The following DNPH1 variants were observed in gnomAD, a reference collection of about 807,000 sequenced individuals.
DNPH1 encodes the protein 5-hydroxymethyl-dUMP N-hydrolase.
Under a neutral mutation model 15.7 loss-of-function variants are expected in DNPH1, and 18 were observed. The observed-to-expected ratio is 1.15, with a 90% confidence interval of 0.79 to 1.70. The LOEUF is 1.70. DNPH1 is among the 40% of genes most tolerant of loss of function. The pLI is 0.00. For missense variants in DNPH1, 262 were observed against 255.2 expected, an observed-to-expected ratio of 1.03 and a Z score of -0.18; for synonymous variants, 114 against 107.9, an observed-to-expected ratio of 1.06 and a Z score of -0.35.
chr6:43,227,279 G>A (rs1776756995), intron 1 of DNPH1, among the ~76,000 whole-genome samples: 1 of 152,058 alleles, frequency 6.6e-6, no homozygotes, highest in Non-Finnish European at 1.5e-5. Flanking sequence ...GCCAGGCGTG[G>A]TAGCAGGCGC....
intron 1 of DNPH1, 98 bp downstream of exon 1, chr6:43,229,163 G>T (rs2150670173): frequency 1.7e-6 from 2 of 1,198,260 alleles, no homozygotes; most frequent in Non-Finnish European, 2.2e-6. Flanking sequence ...CGCCGGGAGC[G>T]CAGCTGCCGG....
chr6:43,226,237 G>C lies in DNPH1; in HGVS notation c.265+90C>G. The C allele has an allele frequency of 6.2e-7, 1 of 1,600,254 alleles. No individual in the cohort carries two copies. Among genetic ancestry groups the C allele is most frequent in the African/African-American group, 1.3e-5 (1 of 74,808 alleles). On this transcript the variant is annotated intron_variant, in intron 2 of 3. Transcript: ENST00000230431. The surrounding 1 kb of genome is among the most constrained non-coding windows in gnomAD (Gnocchi z 4.1). ...TGGCTGTGGTGAGGAGGGAACTCTG[G>C]GAGTCCCTTCTAGGTGTGGAGGCTG...
At chr6:43,227,052 A>G (rs1400550408) in intron 1 of DNPH1, among the ~76,000 whole-genome samples, 1 of 151,996 alleles carries the variant, frequency 6.6e-6, no homozygotes, top group Non-Finnish European at 1.5e-5. Flanking sequence ...AGTTGCAGTG[A>G]GCTGAGATCG....
chr6:43,225,994 G>A, intron 3 of DNPH1, 39 bp downstream of exon 3: 1 of 1,613,462 alleles, frequency 6.2e-7, no homozygotes, highest in South Asian at 1.1e-5. Context: ...CTGAGGGCTG[G>A]GTCCATAGAA....
rs1035409317 is a variant in DNPH1 at position 43,229,436 on chromosome 6, C to G, written c.21G>C (p.Pro7=). The change falls in exon 1 of 4, where the codon CCG becomes CCC. Residue 7 remains proline (P), a synonymous_variant. Coordinates refer to ENST00000230431, the MANE Select transcript of DNPH1 (RefSeq NM_006443.3). The part of the protein sequence containing the change: MAAAMV[P]GRSESWERGE... Reference sequence around the variant, plus strand: ...CGCGCTCCCAGCTCTCGCTGCGCCCCGGCACCATGGCAGCAGCCATTCCCC... The same window carrying G: ...CGCGCTCCCAGCTCTCGCTGCGCCCGGGCACCATGGCAGCAGCCATTCCCC... The G allele has an allele frequency of 6.5e-6, 9 of 1,374,282 alleles. No homozygotes were observed. The highest frequency in any genetic ancestry group is 3.1e-5 in the East Asian group (1 of 32,504). The allele number at this position is 1,374,282 out of a possible 1,614,324, so 85.1% of individuals were successfully genotyped here. A position where few individuals can be genotyped will look rare whatever the true frequency, so the allele number is the denominator to read the frequency against.
rs978177324 is a variant in DNPH1, at chr6:43,229,307, C to T, written c.150G>A (p.Gly50=). ...CCGCCACGTGCTCGGTGAGCACTGT[C>T]CCGAATCGCCGCAGCCGAGACACGA... ...ERIVSRLRRF[G]TVLTEHVAAA... Residue 50 remains glycine (G), a synonymous_variant, in exon 1 of 4, where the codon GGG becomes GGA. Transcript: ENST00000230431. 6.7e-7 allele frequency: 1 copy of T among 1,482,490 alleles called. No individual in the cohort carries two copies. The highest frequency in any genetic ancestry group is 8.9e-7 in the Non-Finnish European group (1 of 1,119,652). 91.8% of individuals were successfully genotyped at this position (1,482,490 alleles called of 1,614,324 possible).
At chr6:43,227,729 G>A (rs905456272) in intron 1 of DNPH1, among the ~76,000 whole-genome samples, 1 of 151,934 alleles carries the variant, frequency 6.6e-6, no homozygotes, top group East Asian at 1.9e-4. Flanking sequence ...AGAAGCACAA[G>A]CATTCAAGAT....
intron 1 of DNPH1, 172 bp downstream of exon 1, chr6:43,229,089 G>A (rs1295830928): frequency 1.5e-6 from 1 of 657,204 alleles, no homozygotes; most frequent in East Asian, 6.3e-5. Flanking sequence ...CCCGAGCCCC[G>A]GCCCGTTTCC....
rs138682834 is a variant in DNPH1 at position 43,226,049 on chromosome 6, G to A, written c.360C>T (p.Arg120=). 706 of 1,613,848 alleles carry A rather than the reference G, an allele frequency of 4.4e-4. 13 individuals are homozygous for A. In the East Asian group the frequency reaches 0.016, roughly 35 times the overall value. The change falls in exon 3 of 4, where the codon CGC becomes CGT. Residue 120 remains arginine, a synonymous_variant. Transcript: ENST00000230431. The surrounding 1 kb of genome is among the most constrained non-coding windows in gnomAD (Gnocchi z 4.1). ...AFNKRILCLF[R]PQSGRVLSAM... ...GGTGCTCACCGCGGCCAGACTGCGG[G>A]CGGAACAGGCACAGGATCCGCTTGT...
rs753055242 is a variant in DNPH1 at position 43,225,802 on chromosome 6, G to A, written c.456C>T (p.Ala152=). The A allele has an allele frequency of 5.0e-6, 8 of 1,614,024 alleles. No individual in the cohort carries two copies. Among genetic ancestry groups the A allele is most frequent in the Non-Finnish European group, 6.8e-6 (8 of 1,180,030 alleles). ...CAGCCTCGAAGTATCGATCCAGCAG[G>A]GCCTCCACCTCTCCCTCCTCATAGT... ...VWDYEEGEVE[A]LLDRYFEADP... The change falls in exon 4 of 4, where the codon GCC becomes GCT. Residue 152 remains alanine (A), a synonymous_variant. Coordinates refer to ENST00000230431, the MANE Select transcript of DNPH1 (RefSeq NM_006443.3).
At position 43,226,646 on chromosome 6, in the gene DNPH1, G is replaced by T; in HGVS notation, c.197-251C>A. ...AACATCAGCAGCACTAACTGTGGAT[G>T]ACATTGATTAGGGAAAGGTGCATGG... On this transcript the variant is annotated intron_variant, in intron 1 of 3. Transcript: ENST00000230431. The surrounding 1 kb of genome is among the most constrained non-coding windows in gnomAD (Gnocchi z 4.1). The T allele has an allele frequency of 1.9e-6, 1 of 521,796 alleles. No homozygotes were observed. The highest frequency in any genetic ancestry group is 3.4e-6 in the Non-Finnish European group (1 of 295,576). The allele number at this position is 521,796 out of a possible 1,614,324, so 32.3% of individuals were successfully genotyped here. A position where few individuals can be genotyped will look rare whatever the true frequency, so the allele number is the denominator to read the frequency against.
chr6:43,228,324 G>C (rs1459445077), intron 1 of DNPH1, among the ~76,000 whole-genome samples: 1 of 151,890 alleles, frequency 6.6e-6, no homozygotes, highest in Admixed American at 6.6e-5. Context: ...GCATGGTGTC[G>C]TGCCCCTGCA....
At chr6:43,227,767 A>G (rs994576116) in intron 1 of DNPH1, among the ~76,000 whole-genome samples, 1 of 152,052 alleles carries the variant, frequency 6.6e-6, no homozygotes, top group African/African-American at 2.4e-5. Context: ...AGGATCTGCA[A>G]GATTCCAGAC....
Position 43,229,302 on chromosome 6 carries a change from A to AC in DNPH1, c.154dup (p.Val52GlyfsTer22). ...GGCGGCCGCCACGTGCTCGGTGAGC[A>AC]CTGTCCCGAATCGCCGCAGCCGAGA... On this transcript the variant is annotated frameshift_variant, in exon 1 of 4. Transcript: ENST00000230431. LOFTEE classifies it high-confidence loss of function. 6.8e-7 allele frequency: 1 copy of AC among 1,477,436 alleles called. No individual in the cohort carries two copies. Among genetic ancestry groups the AC allele is most frequent in the Non-Finnish European group, 9.0e-7 (1 of 1,116,884 alleles). The allele number at this position is 1,477,436 out of a possible 1,614,324, so 91.5% of individuals were successfully genotyped here.
rs1254859874 is a variant in DNPH1 at position 43,225,811 on chromosome 6, C to G, written c.447G>C (p.Glu149Asp). The stretch of plus-strand genomic sequence containing the variant: ...AGTATCGATCCAGCAGGGCCTCCAC[C>G]TCTCCCTCCTCATAGTCCCACACCT... Reference protein sequence around the residue: ...RFQVWDYEEGEVEALLDRYFE... With the variant: ...RFQVWDYEEGDVEALLDRYFE... The change falls in exon 4 of 4, where the codon GAG becomes GAC. Residue 149 changes from glutamate (E) to aspartate (D), a missense_variant. By Grantham distance (45) the Glu-to-Asp change is conservative. Coordinates refer to ENST00000230431, the MANE Select transcript of DNPH1 (RefSeq NM_006443.3). 2 of 1,614,210 alleles carry G rather than the reference C, an allele frequency of 1.2e-6. No homozygotes were observed. Among genetic ancestry groups the G allele is most frequent in the Non-Finnish European group, 1.7e-6 (2 of 1,180,040 alleles).
intron 1 of DNPH1, chr6:43,228,999 A>G: frequency 2.7e-6 from 1 of 369,358 alleles, no homozygotes; most frequent in South Asian, 2.1e-5. Context: ...AGCTGAAGAC[A>G]GAGTTCTCCA....
chr6:43,226,490 G>T lies in DNPH1; in HGVS notation c.197-95C>A. 1 of 1,164,816 alleles carries T rather than the reference G, an allele frequency of 8.6e-7. No individual in the cohort carries two copies. The highest frequency in any genetic ancestry group is 1.2e-6 in the Non-Finnish European group (1 of 841,612). 72.2% of individuals were successfully genotyped at this position (1,164,816 alleles called of 1,614,324 possible). On this transcript the variant is annotated intron_variant, in intron 1 of 3. Transcript: ENST00000230431. This position sits in a 1 kb window ranked among gnomAD's most constrained non-coding sequence, Gnocchi z 4.1. ...GTCCATACCCACCCTGCTCAGGGAG[G>T]GTGGGAGCCTTGTGCCAGATGACCT...
chr6:43,225,790 T>C lies in DNPH1; in HGVS notation c.468A>G (p.Arg156=), dbSNP rs771666525. 1.9e-6 allele frequency: 3 copies of C among 1,614,130 alleles called. No individual in the cohort carries two copies. The highest frequency in any genetic ancestry group is 2.5e-6 in the Non-Finnish European group (3 of 1,180,026). The change falls in exon 4 of 4, where the codon CGA becomes CGG. Residue 156 remains arginine, a synonymous_variant. Coordinates refer to ENST00000230431, the MANE Select transcript of DNPH1 (RefSeq NM_006443.3). ...GCCCTGGAGGATCAGCCTCGAAGTA[T>C]CGATCCAGCAGGGCCTCCACCTCTC... ...EEGEVEALLD[R]YFEADPPGQV...
Position 43,225,700 on chromosome 6 carries a change from G to C in DNPH1, c.*33C>G. 1.2e-6 allele frequency: 2 copies of C among 1,611,876 alleles called. No homozygotes were observed. Among genetic ancestry groups the C allele is most frequent in the Non-Finnish European group, 1.7e-6 (2 of 1,179,290 alleles). On this transcript the variant is annotated 3_prime_UTR_variant, in exon 4 of 4. Transcript: ENST00000230431. ...AAGGAATGGTACTAGAGCAGTGTCT[G>C]AGAATAGAAGAATTTAAGAAAGTGA... is the stretch of plus-strand genomic sequence containing the variant.
Sources: allele counts gnomAD v4.1 joint callset (sites outside exome capture counted in the v4.1 genomes callset), GRCh38; gene constraint gnomAD v4.1.1; non-coding constraint Gnocchi (gnomAD v3.1); transcripts MANE v1.5; gene names NCBI Gene and HGNC (gene_info 2026-07-23, HGNC 2026-07-21).